SULT1C4: variants seen among roughly 807,000 people sequenced by gnomAD.
The protein encoded by SULT1C4 is sulfotransferase 1C4.
Under a neutral mutation model 34.8 loss-of-function variants are expected in SULT1C4, and 32 were observed. The ratio of observed to expected loss-of-function variants is 0.92; its 90% confidence interval spans 0.69 to 1.23. The LOEUF is 1.23. SULT1C4 is among the 50% of genes most tolerant of loss of function. The probability of loss-of-function intolerance (pLI) is 0.00; values close to 1 mark genes in which losing one functional copy is unlikely to be tolerated. For missense variants in SULT1C4, 375 were observed against 365.9 expected, an observed-to-expected ratio of 1.02 and a Z score of -0.20; for synonymous variants, 111 against 120.5, an observed-to-expected ratio of 0.92 and a Z score of 0.51.
chr2:108,382,268 A>G, intron 2 of SULT1C4, 117 bp from the exon 3 acceptor site: 1 of 823,240 alleles, frequency 1.2e-6, no homozygotes, highest in South Asian at 1.5e-5. Context: ...CCAGATCTAC[A>G]GTTACAATGT....
chr2:108,380,705 T>A (rs1027377383), intron 1 of SULT1C4, among the ~76,000 whole-genome samples: 26 of 152,194 alleles, frequency 1.7e-4, no homozygotes, highest in African/African-American at 6.0e-4. Flanking sequence ...CCATTCTACC[T>A]ATGGCCACAG....
chr2:108,378,726 C>CTTTT (rs35046786), intron 1 of SULT1C4, among the ~76,000 whole-genome samples: 4 of 137,960 alleles, frequency 2.9e-5, no homozygotes, highest in African/African-American at 1.1e-4. Context: ...GATGTACTTC[C>CTTTT]TTTTTTTTTT....
At chr2:108,381,682 G>A (rs943974015) in intron 1 of SULT1C4, 80 bp from the exon 2 acceptor site, 1 of 1,295,148 alleles carries the variant, frequency 7.7e-7, no homozygotes, top group Non-Finnish European at 9.9e-7. Flanking sequence ...AGACATAGAT[G>A]TTCTAACAAG....
chr2:108,379,299 T>A (rs1678327805), intron 1 of SULT1C4, among the ~76,000 whole-genome samples: 1 of 152,166 alleles, frequency 6.6e-6, no homozygotes, highest in Admixed American at 6.5e-5. Flanking sequence ...TTCAAAATCC[T>A]CTTTTGTTCT....
At chr2:108,383,014 TG>T in intron 3 of SULT1C4, 78 bp from the exon 4 acceptor site, 1 of 1,444,200 alleles carries the variant, frequency 6.9e-7, no homozygotes, top group Non-Finnish European at 9.1e-7. Flanking sequence ...ATGACTTGCC[TG>T]GGCAGTAACA....
chr2:108,381,691 A>C, intron 1 of SULT1C4, 71 bp from the exon 2 acceptor site: 2 of 1,304,098 alleles, frequency 1.5e-6, no homozygotes, highest in Middle Eastern at 2.0e-4. Context: ...TGTTCTAACA[A>C]GTATTTGATC....
rs549520408 is a variant in SULT1C4 at position 108,382,581 on chromosome 2, A to G, written c.393+99A>G. On this transcript the variant is annotated intron_variant, in intron 3 of 6. Coordinates refer to ENST00000272452, the MANE Select transcript of SULT1C4 (RefSeq NM_006588.4). The stretch of plus-strand genomic sequence containing the variant: ...TCACTTGTTAAATATATATATATAT[A>G]CCTCTTCACAATAATCAATATGCAA... The G allele has an allele frequency of 1.2e-4, 101 of 842,014 alleles. 4 individuals carry two copies. In the South Asian group the frequency reaches 1.5e-3, roughly 12 times the overall value. 52.2% of individuals were successfully genotyped at this position (842,014 alleles called of 1,614,324 possible).
chr2:108,380,935 C>T (rs983165428), intron 1 of SULT1C4, among the ~76,000 whole-genome samples: 31 of 152,160 alleles, frequency 2.0e-4, no homozygotes, highest in Non-Finnish European at 4.3e-4. Context: ...CTTTTACAGC[C>T]TTTCAGCCCA....
rs768994968 is a variant in SULT1C4 at position 108,382,366 on chromosome 2, T to C, written c.296-19T>C. ...ATAAAAAAAAAATCGTAGAAATTGA[T>C]CGAAAACCAGTTTTGCAGGTTTGGA... On this transcript the variant is annotated intron_variant, in intron 2 of 6. Coordinates refer to ENST00000272452, the MANE Select transcript of SULT1C4 (RefSeq NM_006588.4). The C allele has an allele frequency of 1.9e-6, 3 of 1,603,022 alleles. No individual in the cohort carries two copies. In the African/African-American group the frequency reaches 4.0e-5, roughly 22 times the overall value.
intron 6 of SULT1C4, 147 bp from the exon 7 acceptor site, chr2:108,387,173 G>A: frequency 1.7e-6 from 1 of 582,872 alleles, no homozygotes; most frequent in Non-Finnish European, 3.0e-6. Flanking sequence ...TCAGGATAAG[G>A]AAGTGACAGG....
At chr2:108,382,989 T>G in intron 3 of SULT1C4, 104 bp from the exon 4 acceptor site, 1 of 1,222,038 alleles carries the variant, frequency 8.2e-7, no homozygotes, top group East Asian at 2.9e-5. Flanking sequence ...CTGTATGAAA[T>G]GTATCTACCC....
intron 1 of SULT1C4, 146 bp downstream of exon 1, chr2:108,378,652 G>C (rs1339759898): frequency 2.4e-6 from 2 of 839,628 alleles, no homozygotes; most frequent in African/African-American, 3.4e-5. Context: ...GGAAACTGAA[G>C]CTATACCGAA....
rs1200225787 is a variant in SULT1C4, at chr2:108,377,965, A to C, written c.-373A>C. ...TTCCTCAGGAAACTGCCAGTGGACA[A>C]ATTCATAAACAAGAGCTCCAGTTCC... On this transcript the variant is annotated 5_prime_UTR_variant, in exon 1 of 7. Coordinates refer to ENST00000272452, the MANE Select transcript of SULT1C4 (RefSeq NM_006588.4). The C allele has an allele frequency of 6.2e-6, 1 of 161,168 alleles. No individual in the cohort carries two copies. The highest frequency in any genetic ancestry group is 1.4e-5 in the Non-Finnish European group (1 of 73,394). 10.0% of individuals were successfully genotyped at this position (161,168 alleles called of 1,614,324 possible). A position where few individuals can be genotyped will look rare whatever the true frequency, so the allele number is the denominator to read the frequency against.
chr2:108,387,469 C>A lies in SULT1C4; in HGVS notation c.*37C>A. On this transcript the variant is annotated 3_prime_UTR_variant, in exon 7 of 7. Coordinates refer to ENST00000272452, the MANE Select transcript of SULT1C4 (RefSeq NM_006588.4). ...AACTGAAAATGTTTTAGTTTATTAC[C>A]CAGTATATTTGGGTAATAATGAAAG... The A allele has an allele frequency of 7.3e-7, 1 of 1,374,556 alleles. No individual in the cohort carries two copies. The allele number at this position is 1,374,556 out of a possible 1,614,324, so 85.1% of individuals were successfully genotyped here.
rs771257205 is a variant in SULT1C4 at position 108,383,403 on chromosome 2, T to G, written c.521-13T>G. The stretch of plus-strand genomic sequence containing the variant: ...CTGTGACTCATTGTCCTGTTTTCCA[T>G]CCCATCCTCCAGTGTGCTGGGGCTC... On this transcript the variant is annotated splice_polypyrimidine_tract_variant and intron_variant, in intron 4 of 6. Coordinates refer to ENST00000272452, the MANE Select transcript of SULT1C4 (RefSeq NM_006588.4). The G allele has an allele frequency of 6.2e-7, 1 of 1,613,224 alleles. No homozygotes were observed. The highest frequency in any genetic ancestry group is 8.5e-7 in the Non-Finnish European group (1 of 1,179,558).
In SULT1C4 at chr2:108,383,406, C is replaced by T. The variant is rs746092402; in HGVS notation, c.521-10C>T. On this transcript the variant is annotated splice_polypyrimidine_tract_variant and intron_variant, in intron 4 of 6. Coordinates refer to ENST00000272452, the MANE Select transcript of SULT1C4 (RefSeq NM_006588.4). ...TGACTCATTGTCCTGTTTTCCATCC[C>T]ATCCTCCAGTGTGCTGGGGCTCCTG... is the stretch of plus-strand genomic sequence containing the variant. The T allele has an allele frequency of 2.5e-6, 4 of 1,613,094 alleles. No homozygotes were observed. The African/African-American group carries it at 5.3e-5, about 22-fold the overall frequency.
chr2:108,385,738 C>CA (rs201307179), intron 5 of SULT1C4, among the ~76,000 whole-genome samples: 1,490 of 147,636 alleles, frequency 0.01, 30 homozygotes, highest in African/African-American at 0.035. Flanking sequence ...TTGAGGCATG[C>CA]AAAAAAAAAA....
chr2:108,381,894 A>G lies in SULT1C4; in HGVS notation c.295+7A>G, dbSNP rs754806078. 6.7e-7 allele frequency: 1 copy of G among 1,482,416 alleles called. No homozygotes were observed. Among genetic ancestry groups the G allele is most frequent in the Non-Finnish European group, 8.9e-7 (1 of 1,120,424 alleles). The allele number at this position is 1,482,416 out of a possible 1,614,324, so 91.8% of individuals were successfully genotyped here. On this transcript the variant is annotated splice_region_variant and intron_variant, in intron 2 of 6. Coordinates refer to ENST00000272452, the MANE Select transcript of SULT1C4 (RefSeq NM_006588.4). ...ATCCCATCCTTAGGATCTGGTGAGT[A>G]TAAATAGCCACACTTCACTACAGTC...
intron 5 of SULT1C4, among the ~76,000 whole-genome samples, chr2:108,385,699 G>C (rs982347991): frequency 6.6e-6 from 1 of 152,104 alleles, no homozygotes. Flanking sequence ...TGGTGGTCTG[G>C]TACCAGAGTC....
Sources: gnomAD v4.1 joint callset for allele counts (sites outside exome capture counted in the v4.1 genomes callset) on GRCh38, gnomAD v4.1.1 for gene constraint, MANE v1.5 for transcripts, NCBI Gene and HGNC (gene_info 2026-07-23, HGNC 2026-07-21) for gene names.